Variants in RUNX1 observed in about 807,000 individuals in gnomAD.
RUNX1 encodes runt-related transcription factor 1.
A neutral mutation model predicts 42.8 loss-of-function variants in RUNX1; 19 were observed. That is an observed-to-expected ratio of 0.44 (90% CI 0.31 to 0.65). RUNX1 has a LOEUF of 0.65. RUNX1 is among the 30% of genes least tolerant of loss of function. RUNX1 has a pLI of 0.07. For missense variants in RUNX1, 528 were observed against 672.0 expected, an observed-to-expected ratio of 0.79 and a Z score of 2.37; for synonymous variants, 271 against 289.4, an observed-to-expected ratio of 0.94 and a Z score of 0.64.
intron 2 of RUNX1, among the ~76,000 whole-genome samples, chr21:35,042,792 T>C (rs1049011365): frequency 6.6e-6 from 1 of 152,226 alleles, no homozygotes; most frequent in East Asian, 1.9e-4. Flanking sequence ...CAAGCCACTG[T>C]GGTCAGCTTT....
chr21:34,816,169 GA>G (rs1445631410), intron 7 of RUNX1, among the ~76,000 whole-genome samples: 2 of 152,198 alleles, frequency 1.3e-5, no homozygotes, highest in Non-Finnish European at 2.9e-5. Flanking sequence ...AGGATATTCT[GA>G]AATTAACTTA....
intron 2 of RUNX1, among the ~76,000 whole-genome samples, chr21:35,020,783 G>A (rs1425211664): frequency 6.6e-6 from 1 of 152,174 alleles, no homozygotes; most frequent in East Asian, 1.9e-4. Context: ...CTAAATAAAT[G>A]AAGTCTGTTG....
intron 5 of RUNX1, among the ~76,000 whole-genome samples, chr21:34,879,476 C>T (rs1035630083): frequency 7.2e-5 from 11 of 152,106 alleles, no homozygotes; most frequent in Admixed American, 7.2e-4. Context: ...TAATCAAATT[C>T]TCTGAGAACT....
intron 6 of RUNX1, 122 bp from the exon 7 acceptor site, chr21:34,834,723 C>A (rs923290370): frequency 1.8e-5 from 15 of 839,260 alleles, no homozygotes; most frequent in Non-Finnish European, 2.5e-5. Context: ...TCTCTCTCCC[C>A]TCACCCCAAC....
intron 2 of RUNX1, among the ~76,000 whole-genome samples, chr21:34,990,110 T>C (rs1489917018): frequency 9.2e-5 from 14 of 152,192 alleles, no homozygotes; most frequent in Non-Finnish European, 1.5e-4. Context: ...TAAGGTTCTA[T>C]CTCTGTGCTG....
chr21:34,886,575 C>T (rs2146404554), intron 4 of RUNX1, among the ~76,000 whole-genome samples: 1 of 152,348 alleles, frequency 6.6e-6, no homozygotes, highest in Admixed American at 6.5e-5. Context: ...CCAGGGAGGT[C>T]CCGACCGGCT....
intron 2 of RUNX1, among the ~76,000 whole-genome samples, chr21:34,948,101 G>A (rs531166468): frequency 0.018 from 2,193 of 119,626 alleles, 25 homozygotes; most frequent in Middle Eastern, 0.031. Flanking sequence ...TTTTTTTTTT[G>A]GGGGGGGGTT....
chr21:34,813,411 C>T (rs1399139918), intron 7 of RUNX1, among the ~76,000 whole-genome samples: 1 of 152,098 alleles, frequency 6.6e-6, no homozygotes, highest in African/African-American at 2.4e-5. Flanking sequence ...ACAGCATTGT[C>T]CCCTGGGCAC....
At chr21:34,829,292 C>A (rs1222284926) in intron 7 of RUNX1, among the ~76,000 whole-genome samples, 1 of 152,166 alleles carries the variant, frequency 6.6e-6, no homozygotes, top group Non-Finnish European at 1.5e-5. Flanking sequence ...CAAATGAAAC[C>A]TTTTAGTGCA....
At chr21:34,972,489 C>A (rs573261164) in intron 2 of RUNX1, among the ~76,000 whole-genome samples, 2 of 152,296 alleles carry the variant, frequency 1.3e-5, no homozygotes, top group African/African-American at 4.8e-5. Flanking sequence ...CAAAAGCAAA[C>A]TCCTGTTCCT....
chr21:34,932,637 C>T (rs112551739), intron 2 of RUNX1, among the ~76,000 whole-genome samples: 2 of 152,236 alleles, frequency 1.3e-5, no homozygotes, highest in African/African-American at 4.8e-5. Context: ...ATATTGGGGA[C>T]AATATTATAC....
At chr21:34,891,291 A>G (rs2058078385) in intron 3 of RUNX1, among the ~76,000 whole-genome samples, 1 of 152,184 alleles carries the variant, frequency 6.6e-6, no homozygotes, top group Non-Finnish European at 1.5e-5. Flanking sequence ...AAGCCCGACA[A>G]AAAGCTGATA....
chr21:34,898,661 C>A (rs1373973514), intron 2 of RUNX1, among the ~76,000 whole-genome samples: 1 of 152,232 alleles, frequency 6.6e-6, no homozygotes, highest in African/African-American at 2.4e-5. Flanking sequence ...CTCATTCCCA[C>A]ACAAACGCAC....
chr21:34,933,403 C>T (rs1473928483), intron 2 of RUNX1, among the ~76,000 whole-genome samples: 1 of 152,140 alleles, frequency 6.6e-6, no homozygotes, highest in Non-Finnish European at 1.5e-5. Flanking sequence ...ACTTATTTTC[C>T]ATTGAATCTA....
chr21:34,793,719 T>C (rs2056484179), intron 8 of RUNX1, among the ~76,000 whole-genome samples: 1 of 151,058 alleles, frequency 6.6e-6, no homozygotes, highest in Non-Finnish European at 1.5e-5. Flanking sequence ...TTTTTTTTTT[T>C]TGGAGACAAA....
rs567008181 is a variant in RUNX1, at chr21:34,841,207, G to A, written c.614-6606C>T. Among the ~76,000 whole-genome samples the A allele has an allele frequency of 3.9e-5, 6 of 152,252 alleles. No homozygotes were observed. In the East Asian group the frequency reaches 1.2e-3, roughly 29 times the overall value. On this transcript the variant is annotated intron_variant, in intron 6 of 8. Transcript: ENST00000675419. ...CACCCCGCCCACACTCCCTGTGCAG[G>A]CCCCTGTTCCTCTAGCTCATGCCCC...
At chr21:35,016,531 A>C (rs2059160131) in intron 2 of RUNX1, among the ~76,000 whole-genome samples, 1 of 152,208 alleles carries the variant, frequency 6.6e-6, no homozygotes, top group Admixed American at 6.5e-5. Flanking sequence ...GAGGAGGAAG[A>C]AGCAGCATCC....
chr21:35,003,658 C>G (rs1443698860), intron 2 of RUNX1, among the ~76,000 whole-genome samples: 1 of 152,164 alleles, frequency 6.6e-6, no homozygotes, highest in East Asian at 1.9e-4. Context: ...AGCTTTATCT[C>G]CAAGCTCAAC....
chr21:35,042,043 T>C (rs1314977755), intron 2 of RUNX1, among the ~76,000 whole-genome samples: 1 of 152,176 alleles, frequency 6.6e-6, no homozygotes, highest in Admixed American at 6.5e-5. Context: ...CCGATCAACC[T>C]CACAGCAAGG....
Sources: gnomAD v4.1 joint callset for allele counts (sites outside exome capture counted in the v4.1 genomes callset) on GRCh38, gnomAD v4.1.1 for gene constraint, MANE v1.5 for transcripts, NCBI Gene and HGNC (gene_info 2026-07-23, HGNC 2026-07-21) for gene names.